Variants in ACTR3C observed in about 807,000 individuals in gnomAD.
The protein encoded by ACTR3C is actin related protein 3C, also known as actin-related protein 3C.
A neutral mutation model predicts 26.3 loss-of-function variants in ACTR3C; 18 were observed. That is an observed-to-expected ratio of 0.68 (90% CI 0.47 to 1.01). The LOEUF (loss-of-function observed/expected upper bound fraction) is 1.01. ACTR3C is among the 50% of genes least tolerant of loss of function. ACTR3C has a pLI of 0.00. For synonymous variants in ACTR3C, 55 were observed against 94.5 expected, an observed-to-expected ratio of 0.58 and a Z score of 2.42; for missense variants, 184 against 250.7, an observed-to-expected ratio of 0.73 and a Z score of 1.80.
the ACTR3C span, among the ~76,000 whole-genome samples, chr7:150,033,970 A>C: frequency 1.1e-5 from 1 of 87,600 alleles, no homozygotes; most frequent in Non-Finnish European, 2.3e-5. Context: ...GGGAAGGGGG[A>C]CGTTCGCAGT....
At chr7:150,305,374 T>C (rs1795732667) in intron 1 of ACTR3C, among the ~76,000 whole-genome samples, 1 of 151,732 alleles carries the variant, frequency 6.6e-6, no homozygotes, top group Non-Finnish European at 1.5e-5. Context: ...TCACATGGGG[T>C]CATCTTCAAG....
chr7:150,171,698 T>C, the ACTR3C span, among the ~76,000 whole-genome samples: 1 of 150,482 alleles, frequency 6.6e-6, no homozygotes, highest in African/African-American at 2.5e-5. Context: ...CAAAAGCTAG[T>C]TCTTTGAGAA....
the ACTR3C span, among the ~76,000 whole-genome samples, chr7:150,058,838 C>A: frequency 6.6e-6 from 1 of 152,054 alleles, no homozygotes; most frequent in South Asian, 2.1e-4. Context: ...TCACTTGAAC[C>A]AGGGAGTCAG....
chr7:149,883,481 G>A, the ACTR3C span, among the ~76,000 whole-genome samples: 12 of 152,338 alleles, frequency 7.9e-5, no homozygotes, highest in Non-Finnish European at 1.6e-4. Context: ...AAGTGGCAGA[G>A]CAGGAAGTGG....
the ACTR3C span, among the ~76,000 whole-genome samples, chr7:149,985,573 T>C: frequency 6.6e-6 from 1 of 152,084 alleles, no homozygotes; most frequent in Non-Finnish European, 1.5e-5. Flanking sequence ...GAGCCGGGAG[T>C]GGGCACCACC....
the ACTR3C span, among the ~76,000 whole-genome samples, chr7:150,053,613 A>G: frequency 6.6e-6 from 1 of 152,250 alleles, no homozygotes; most frequent in East Asian, 1.9e-4. Context: ...GCCCAGAGGC[A>G]TTCTCAGGCT....
At chr7:150,314,785 AAACAAC>A (rs1008047063) in intron 1 of ACTR3C, among the ~76,000 whole-genome samples, 1 of 148,980 alleles carries the variant, frequency 6.7e-6, no homozygotes, top group South Asian at 2.1e-4. Flanking sequence ...AAAAAAAAAA[AAACAAC>A]AACAACAAAA....
At chr7:150,116,179 C>G in the ACTR3C span, among the ~76,000 whole-genome samples, 1 of 152,162 alleles carries the variant, frequency 6.6e-6, no homozygotes, top group Non-Finnish European at 1.5e-5. Context: ...TCTGTATCTC[C>G]CTCTCCTAAT....
At chr7:150,081,307 G>A in the ACTR3C span, among the ~76,000 whole-genome samples, 1 of 150,882 alleles carries the variant, frequency 6.6e-6, no homozygotes, top group South Asian at 2.1e-4. Context: ...AGAAAGAGAA[G>A]AGAGAAAAGA....
the ACTR3C span, among the ~76,000 whole-genome samples, chr7:150,166,980 A>T: frequency 4.7e-5 from 7 of 148,084 alleles, no homozygotes; most frequent in African/African-American, 1.8e-4. Flanking sequence ...AAATGACAGG[A>T]TTTTATTGTA....
chr7:150,017,672 T>A, the ACTR3C span, among the ~76,000 whole-genome samples: 5 of 148,878 alleles, frequency 3.4e-5, 1 homozygote, highest in African/African-American at 7.7e-5. Flanking sequence ...CCACAACACT[T>A]CCCCAGCACA....
chr7:150,078,825 G>A, the ACTR3C span, among the ~76,000 whole-genome samples: 208 of 152,314 alleles, frequency 1.4e-3, no homozygotes, highest in Non-Finnish European at 2.1e-3. Flanking sequence ...CAATCTGTTT[G>A]ATAAATCAAA....
At chr7:150,198,965 G>A in the ACTR3C span, among the ~76,000 whole-genome samples, 5 of 134,966 alleles carry the variant, frequency 3.7e-5, no homozygotes, top group Non-Finnish European at 6.2e-5. Context: ...CAGCCGCCCC[G>A]TCCGGGAGGG....
At chr7:149,905,252 A>G in the ACTR3C span, among the ~76,000 whole-genome samples, 6 of 152,266 alleles carry the variant, frequency 3.9e-5, no homozygotes, top group South Asian at 1.2e-3. Flanking sequence ...TACATCAAAG[A>G]AACAAAAGAC....
chr7:150,113,571 TACAA>T, the ACTR3C span, among the ~76,000 whole-genome samples: 1 of 152,348 alleles, frequency 6.6e-6, no homozygotes, highest in Middle Eastern at 3.4e-3. Flanking sequence ...GGAGCACATT[TACAA>T]ACAATGACAC....
chr7:150,317,106 C>T (rs1403748201), intron 1 of ACTR3C, among the ~76,000 whole-genome samples: 2 of 151,632 alleles, frequency 1.3e-5, no homozygotes, highest in African/African-American at 2.4e-5. Context: ...TTCTGTTGTG[C>T]AATGGCGTGA....
the ACTR3C span, among the ~76,000 whole-genome samples, chr7:150,042,831 C>A: frequency 3.9e-4 from 59 of 150,708 alleles, 1 homozygote; most frequent in African/African-American, 1.2e-3. Context: ...GGTTAAAAGT[C>A]CAGCTGCCAT....
the ACTR3C span, among the ~76,000 whole-genome samples, chr7:150,207,934 T>C: frequency 1.3e-5 from 2 of 152,068 alleles, no homozygotes; most frequent in African/African-American, 4.8e-5. Context: ...TCAAAAGGTA[T>C]GTACTAACAA....
At chr7:150,184,383 G>A in the ACTR3C span, among the ~76,000 whole-genome samples, 2 of 150,738 alleles carry the variant, frequency 1.3e-5, no homozygotes, top group Non-Finnish European at 2.9e-5. Flanking sequence ...AGGCTGCAGC[G>A]GTCTCAGCTC....
Sources: allele counts gnomAD v4.1 joint callset (sites outside exome capture counted in the v4.1 genomes callset), GRCh38; gene constraint gnomAD v4.1.1; transcripts MANE v1.5; gene names NCBI Gene and HGNC (gene_info 2026-07-23, HGNC 2026-07-21).